ERO1B: variants seen among roughly 807,000 people sequenced by gnomAD.
The protein encoded by ERO1B is endoplasmic reticulum oxidoreductase 1 beta, also known as ERO1-like protein beta.
Under a neutral mutation model 75.3 loss-of-function variants are expected in ERO1B, and 49 were observed. That is an observed-to-expected ratio of 0.65 (90% CI 0.52 to 0.83). The LOEUF (loss-of-function observed/expected upper bound fraction) is 0.83. ERO1B is among the 40% of genes least tolerant of loss of function. ERO1B has a pLI of 0.00. For synonymous variants in ERO1B, 191 were observed against 192.9 expected (o/e 0.99, Z 0.08); for missense variants, 512 against 560.1 (o/e 0.91, Z 0.87).
intron 9 of ERO1B, among the ~76,000 whole-genome samples, chr1:236,231,633 G>C (rs1032162500): frequency 6.6e-6 from 1 of 150,522 alleles, no homozygotes; most frequent in Admixed American, 6.7e-5. Flanking sequence ...CCTTGATGTT[G>C]TTTTTTTTTA....
In ERO1B at chr1:236,272,366, A is replaced by C. The variant is rs903460949; in HGVS notation, c.103-2372T>G. Among the ~76,000 whole-genome samples the C allele has an allele frequency of 2.2e-4, 34 of 152,212 alleles. 1 individual carries two copies. Among genetic ancestry groups the C allele is most frequent in the African/African-American group, 8.2e-4 (34 of 41,454 alleles). On this transcript the variant is annotated intron_variant, in intron 1 of 15. Transcript: ENST00000354619. ...AAATGTGGTCTATGTACACCATGGA[A>C]TACTAAGTAGCCATTTTAAAAAAAT...
chr1:236,258,526 C>T (rs1266915453), intron 2 of ERO1B, among the ~76,000 whole-genome samples: 2 of 152,086 alleles, frequency 1.3e-5, no homozygotes, highest in Admixed American at 1.3e-4. Flanking sequence ...ACTAGATCTG[C>T]CTTATGAGAA....
intron 4 of ERO1B, among the ~76,000 whole-genome samples, chr1:236,250,618 T>TATATATATAG (rs1491338079): frequency 8.2e-5 from 9 of 110,268 alleles, no homozygotes; most frequent in Non-Finnish European, 1.5e-4. Context: ...TATATATATA[T>TATATATATAG]CAAACGTGTG....
intron 5 of ERO1B, among the ~76,000 whole-genome samples, chr1:236,248,777 C>T (rs1664945851): frequency 6.6e-6 from 1 of 151,926 alleles, no homozygotes; most frequent in Non-Finnish European, 1.5e-5. Context: ...ATAGTAGTTA[C>T]CTCTACTGGA....
intron 2 of ERO1B, among the ~76,000 whole-genome samples, chr1:236,256,421 A>G (rs1302787834): frequency 6.6e-6 from 1 of 151,944 alleles, no homozygotes; most frequent in Non-Finnish European, 1.5e-5. Flanking sequence ...TCCAGACACA[A>G]TCCCAACTCT....
intron 10 of ERO1B, among the ~76,000 whole-genome samples, chr1:236,229,763 A>T (rs966510645): frequency 6.6e-6 from 1 of 152,194 alleles, no homozygotes; most frequent in Non-Finnish European, 1.5e-5. Flanking sequence ...CAGGATCTAT[A>T]TTGCTTTATC....
intron 5 of ERO1B, among the ~76,000 whole-genome samples, chr1:236,244,642 G>A (rs992358056): frequency 6.6e-6 from 1 of 152,060 alleles, no homozygotes; most frequent in Non-Finnish European, 1.5e-5. Flanking sequence ...TTTCTTCTTT[G>A]AGCATCCTCA....
chr1:236,218,609 C>A, intron 15 of ERO1B, 33 bp from the exon 16 acceptor site: 2 of 1,307,704 alleles, frequency 1.5e-6, no homozygotes, highest in Non-Finnish European at 2.0e-6. Context: ...ATTAGTAAGG[C>A]TAACATGTTG....
chr1:236,246,195 T>C (rs2102952946), intron 5 of ERO1B, among the ~76,000 whole-genome samples: 1 of 152,282 alleles, frequency 6.6e-6, no homozygotes, highest in African/African-American at 2.4e-5. Flanking sequence ...AGATAGTGTC[T>C]CACTTTGTCA....
intron 2 of ERO1B, among the ~76,000 whole-genome samples, chr1:236,257,193 G>A (rs1178366316): frequency 1.3e-5 from 2 of 152,168 alleles, no homozygotes; most frequent in African/African-American, 4.8e-5. Flanking sequence ...ACAAAGTTTT[G>A]CGAAACTAGA....
At chr1:236,276,517 C>T (rs1263364160) in intron 1 of ERO1B, among the ~76,000 whole-genome samples, 3 of 152,084 alleles carry the variant, frequency 2.0e-5, no homozygotes, top group African/African-American at 7.2e-5. Context: ...AAAATTATTT[C>T]AAGGAGAGTG....
intron 15 of ERO1B, 62 bp from the exon 16 acceptor site, chr1:236,218,638 T>C: frequency 7.4e-6 from 9 of 1,208,106 alleles, no homozygotes; most frequent in Non-Finnish European, 9.6e-6. Context: ...TTCAAATTAT[T>C]GATATTGTTA....
chr1:236,260,245 G>C (rs1317807116), intron 2 of ERO1B, among the ~76,000 whole-genome samples: 1 of 152,118 alleles, frequency 6.6e-6, no homozygotes, highest in Non-Finnish European at 1.5e-5. Context: ...GGATAACCTA[G>C]AAGAAATGAA....
chr1:236,252,953 G>T (rs1241948978), intron 3 of ERO1B, among the ~76,000 whole-genome samples: 1 of 136,756 alleles, frequency 7.3e-6, no homozygotes, highest in Non-Finnish European at 1.6e-5. Context: ...TTGGTATTAA[G>T]TATAGGTTTT....
intron 6 of ERO1B, among the ~76,000 whole-genome samples, chr1:236,239,809 G>GTA (rs1364038644): frequency 0.094 from 4,446 of 47,480 alleles, 823 homozygotes; most frequent in East Asian, 0.52. Context: ...ATATATATGT[G>GTA]TGTATATATA....
rs1385888458 is a variant in ERO1B at position 236,215,405 on chromosome 1, T to TA, written c.*3110dup. 2 of 152,306 alleles carry TA rather than the reference T, an allele frequency of 1.3e-5. No homozygotes were observed. Among genetic ancestry groups the TA allele is most frequent in the East Asian group, 3.9e-4 (2 of 5,190 alleles). The allele number at this position is 152,306 out of a possible 1,614,324, so 9.4% of individuals were successfully genotyped here. On this transcript the variant is annotated 3_prime_UTR_variant, in exon 16 of 16. Transcript: ENST00000354619. ...AAACTATGCATGTAAAAGCCCTTAATACAATGCCAGCCAATGCTTGCCATT... is the reference window on the plus strand; with the variant it reads ...AAACTATGCATGTAAAAGCCCTTAATAACAATGCCAGCCAATGCTTGCCATT...
At chr1:236,264,125 C>T (rs969581900) in intron 2 of ERO1B, among the ~76,000 whole-genome samples, 9 of 152,010 alleles carry the variant, frequency 5.9e-5, no homozygotes, top group Non-Finnish European at 8.8e-5. Context: ...ATTTTTGAGA[C>T]AGAGTCTCGC....
chr1:236,235,676 A>G, intron 8 of ERO1B, 113 bp downstream of exon 8: 1 of 910,404 alleles, frequency 1.1e-6, no homozygotes, highest in South Asian at 1.7e-5. Context: ...CTTTTTGTTC[A>G]TCATTCAAAT....
Position 236,266,900 on chromosome 1 carries a change from G to A in ERO1B, c.222+2975C>T, listed in dbSNP as rs114147360. The stretch of plus-strand genomic sequence containing the variant: ...TGGAATAATTTCACTGTGTTGATCA[G>A]AACATTTTTAAACTGCATGTGTAAG... On this transcript the variant is annotated intron_variant, in intron 2 of 15. Coordinates refer to ENST00000354619, the MANE Select transcript of ERO1B (RefSeq NM_019891.4). Among the ~76,000 whole-genome samples the A allele has an allele frequency of 6.3e-3, 955 of 152,292 alleles. 10 individuals carry two copies. The highest frequency in any genetic ancestry group is 0.022 in the African/African-American group (915 of 41,554).
Sources: allele counts gnomAD v4.1 joint callset (sites outside exome capture counted in the v4.1 genomes callset), GRCh38; gene constraint gnomAD v4.1.1; transcripts MANE v1.5; gene names NCBI Gene and HGNC (gene_info 2026-07-23, HGNC 2026-07-21).